DMD: variants seen among roughly 807,000 people sequenced by gnomAD.
The protein encoded by DMD is mutant dystrophin.
In DMD, 63 loss-of-function variants were observed where a neutral mutation model predicts 330.1. The ratio of observed to expected loss-of-function variants is 0.19; its 90% CI spans 0.16 to 0.24. The LOEUF (loss-of-function observed/expected upper bound fraction) is 0.24, where lower values mean the gene tolerates loss of function less well. DMD is among the 10% of genes least tolerant of loss of function. The pLI is 1.00. For missense variants in DMD, 3,344 were observed against 2,684.1 expected (o/e 1.25, Z -5.43); for synonymous variants, 1,223 against 959.8 (o/e 1.27, Z -5.07).
At chrX:33,129,015 T>A (rs957588050) in intron 1 of DMD, 1 of 112,251 alleles carries the variant, frequency 8.9e-6, no homozygotes, top group Non-Finnish European at 1.9e-5. Flanking sequence ...AAAGGAATAA[T>A]CCGTATAACT....
chrX:32,076,086 AAGAGAGAGAGAG>A (rs1569540031), intron 44 of DMD, among the ~76,000 whole-genome samples: 2 of 82,314 alleles, frequency 2.4e-5, no homozygotes, highest in African/African-American at 9.6e-5. Context: ...AAAAAAAAAA[AAGAGAGAGAGAG>A]AGAGAGAGAA....
chrX:31,665,271 T>C (rs2081364535), intron 53 of DMD, among the ~76,000 whole-genome samples: 1 of 111,837 alleles, frequency 8.9e-6, no homozygotes, highest in African/African-American at 3.2e-5. Flanking sequence ...TTATTATGTA[T>C]AATAAAGTAA....
At chrX:31,526,191 G>A (rs771831567) in intron 55 of DMD, among the ~76,000 whole-genome samples, 2 of 112,493 alleles carry the variant, frequency 1.8e-5, no homozygotes, top group African/African-American at 3.2e-5. Flanking sequence ...CCATGTTTCC[G>A]AAGAGCGGCA....
chrX:32,605,065 G>C (rs2056572998), intron 12 of DMD, among the ~76,000 whole-genome samples: 1 of 110,451 alleles, frequency 9.1e-6, no homozygotes, highest in Admixed American at 9.7e-5. Context: ...AATACATAGA[G>C]AATCAAAAAA....
At chrX:33,179,257 G>T (rs997770956) in intron 1 of DMD, among the ~76,000 whole-genome samples, 1 of 111,639 alleles carries the variant, frequency 9.0e-6, no homozygotes, top group East Asian at 2.8e-4. Context: ...TTCTAAACGA[G>T]GGATTTAATG....
intron 62 of DMD, among the ~76,000 whole-genome samples, chrX:31,301,734 T>C (rs2054653838): frequency 9.1e-6 from 1 of 109,719 alleles, no homozygotes; most frequent in South Asian, 3.7e-4. Flanking sequence ...TGTGTGGTTT[T>C]GTTTTGTTCT....
chrX:32,621,139 AG>A (rs2149380103), intron 11 of DMD, among the ~76,000 whole-genome samples: 1 of 111,452 alleles, frequency 9.0e-6, no homozygotes, highest in East Asian at 2.9e-4. Flanking sequence ...GAGTCTGTAA[AG>A]GGGGGCCTTT....
At chrX:31,349,450 T>A (rs981915863) in intron 60 of DMD, among the ~76,000 whole-genome samples, 1 of 112,308 alleles carries the variant, frequency 8.9e-6, no homozygotes, top group Admixed American at 9.4e-5. Context: ...ATCAAAGAAG[T>A]ACAGGCAAGG....
chrX:32,010,919 C>A (rs772741648), intron 44 of DMD, among the ~76,000 whole-genome samples: 13 of 112,097 alleles, frequency 1.2e-4, no homozygotes, highest in Admixed American at 1.0e-3. Context: ...CCATGAACAA[C>A]TAAAAAACCC....
chrX:33,203,391 G>A (rs2051390148), intron 1 of DMD, among the ~76,000 whole-genome samples: 1 of 111,707 alleles, frequency 9.0e-6, no homozygotes, highest in Non-Finnish European at 1.9e-5. Flanking sequence ...AGGAAGTGCA[G>A]AGTACAGGAA....
chrX:32,673,232 C>A (rs747413968), intron 9 of DMD, among the ~76,000 whole-genome samples: 39 of 110,535 alleles, frequency 3.5e-4, no homozygotes, highest in African/African-American at 1.2e-3. Context: ...TGATAAACCT[C>A]CCCCACCCCA....
intron 44 of DMD, among the ~76,000 whole-genome samples, chrX:32,073,354 C>G (rs1371509579): frequency 3.6e-5 from 4 of 111,517 alleles, no homozygotes; most frequent in Non-Finnish European, 1.9e-5. Flanking sequence ...TTCGAAGATG[C>G]CTTGAGAAAT....
At chrX:32,435,493 G>A (rs1197806697) in intron 29 of DMD, among the ~76,000 whole-genome samples, 1 of 108,993 alleles carries the variant, frequency 9.2e-6, no homozygotes, top group Non-Finnish European at 1.9e-5. Context: ...TATGAAACAG[G>A]ATGAGGAAAC....
intron 41 of DMD, among the ~76,000 whole-genome samples, chrX:32,319,638 G>C (rs1569557606): frequency 9.0e-6 from 1 of 111,244 alleles, no homozygotes; most frequent in Admixed American, 9.6e-5. Context: ...TAGCACATTA[G>C]CTACATGCTA....
intron 68 of DMD, 66 bp downstream of exon 68, chrX:31,182,672 G>T: frequency 1.9e-6 from 2 of 1,078,082 alleles, no homozygotes; most frequent in Non-Finnish European, 2.6e-6. Context: ...GGAGATAAAA[G>T]ATCAAGTCAT....
At chrX:32,445,553 G>C (rs991448711) in intron 27 of DMD, among the ~76,000 whole-genome samples, 2 of 110,077 alleles carry the variant, frequency 1.8e-5, no homozygotes, top group Admixed American at 9.7e-5. Flanking sequence ...TTAAATTAGA[G>C]TACATTTTAA....
intron 7 of DMD, among the ~76,000 whole-genome samples, chrX:32,795,086 G>C (rs774606444): frequency 2.7e-5 from 3 of 111,958 alleles, no homozygotes; most frequent in South Asian, 7.4e-4. Context: ...TCTACTCAAA[G>C]CATTCTACAT....
chrX:31,430,113 AG>A (rs1334054873), intron 60 of DMD, among the ~76,000 whole-genome samples: 1 of 111,286 alleles, frequency 9.0e-6, no homozygotes, highest in Non-Finnish European at 1.9e-5. Flanking sequence ...AATTCCGAAG[AG>A]GGCAATCAAG....
intron 1 of DMD, among the ~76,000 whole-genome samples, chrX:33,166,257 G>A (rs1000253587): frequency 9.0e-6 from 1 of 111,033 alleles, no homozygotes; most frequent in Non-Finnish European, 1.9e-5. Context: ...CTGAGAAAAG[G>A]CAAGGAGTAA....
Sources: gnomAD v4.1 joint callset for allele counts (sites outside exome capture counted in the v4.1 genomes callset) on GRCh38, gnomAD v4.1.1 for gene constraint, MANE v1.5 for transcripts, NCBI Gene and HGNC (gene_info 2026-07-23, HGNC 2026-07-21) for gene names.